PRKN: variants seen among roughly 807,000 people sequenced by gnomAD.
The protein encoded by PRKN is parkin RBR E3 ubiquitin protein ligase.
A neutral mutation model predicts 59.5 loss-of-function variants in PRKN; 56 were observed. The ratio of observed to expected loss-of-function variants is 0.94; its 90% CI spans 0.76 to 1.18. The LOEUF (loss-of-function observed/expected upper bound fraction) is 1.18. Ranked by LOEUF, PRKN falls within the 50% of genes most tolerant of loss-of-function variation. PRKN has a pLI of 0.00. For synonymous variants in PRKN, 250 were observed against 222.1 expected (o/e 1.13, Z -1.12); for missense variants, 657 against 596.4 (o/e 1.10, Z -1.06).
chr6:162,724,529 A>C (rs906388028), intron 1 of PRKN, among the ~76,000 whole-genome samples: 1 of 152,242 alleles, frequency 6.6e-6, no homozygotes, highest in African/African-American at 2.4e-5. Flanking sequence ...CTAAGCCAGG[A>C]TTTAAATAAA....
At chr6:162,629,398 T>C (rs1303566818) in intron 1 of PRKN, among the ~76,000 whole-genome samples, 1 of 152,124 alleles carries the variant, frequency 6.6e-6, no homozygotes, top group Admixed American at 6.6e-5. Flanking sequence ...TATTATTAAC[T>C]GTAGCATGTT....
rs1298403448 is a variant in PRKN, at chr6:162,421,932, A to G, written c.171+21378T>C. 3.9e-5 allele frequency among the ~76,000 whole-genome samples: 6 copies of G among 152,352 alleles called. No homozygotes were observed. In the East Asian group the frequency reaches 1.2e-3, roughly 29 times the overall value. On this transcript the variant is annotated intron_variant, in intron 2 of 11. Coordinates refer to ENST00000366898, the MANE Select transcript of PRKN (RefSeq NM_004562.3). ...TAAAAATAATTTATCTAAATAAGTT[A>G]AATAGGAAGTAATATCTAATTTCAG...
intron 7 of PRKN, among the ~76,000 whole-genome samples, chr6:161,687,784 C>CA (rs1258078364): frequency 6.6e-6 from 1 of 152,080 alleles, no homozygotes; most frequent in East Asian, 1.9e-4. Context: ...ATATATTAAA[C>CA]ATGTTTTCCT....
intron 6 of PRKN, among the ~76,000 whole-genome samples, chr6:161,793,116 G>T (rs1272755213): frequency 6.6e-6 from 1 of 152,158 alleles, no homozygotes; most frequent in African/African-American, 2.4e-5. Context: ...CCCCTCACTG[G>T]AGAGGAGCCT....
At position 161,440,891 on chromosome 6, in the gene PRKN, G is replaced by A. The variant is rs184096016; in HGVS notation, c.1084-54014C>T. ...CAAATAAGAGTCTAATGTGATAAGA[G>A]GCTGAACTGAAGGTGTCCCTAGAAA... On this transcript the variant is annotated intron_variant, in intron 9 of 11. Coordinates refer to ENST00000366898, the MANE Select transcript of PRKN (RefSeq NM_004562.3). This position sits in a 1 kb window ranked among gnomAD's most constrained non-coding sequence, Gnocchi z 4.1. Among the ~76,000 whole-genome samples the A allele has an allele frequency of 9.5e-4, 145 of 152,276 alleles. No homozygotes were observed. Among genetic ancestry groups the A allele is most frequent in the Admixed American group, 4.9e-3 (75 of 15,294 alleles).
At chr6:161,436,114 G>A in intron 9 of PRKN, among the ~76,000 whole-genome samples, 1 of 112,260 alleles carries the variant, frequency 8.9e-6, no homozygotes, top group Admixed American at 9.1e-5. Flanking sequence ...AGGGGAGGAG[G>A]ATGGGAGAGA....
intron 7 of PRKN, among the ~76,000 whole-genome samples, chr6:161,757,192 C>T (rs2128196874): frequency 6.6e-6 from 1 of 152,182 alleles, no homozygotes; most frequent in South Asian, 2.1e-4. Flanking sequence ...CTTAGGTATG[C>T]TACATAAAGC....
intron 7 of PRKN, among the ~76,000 whole-genome samples, chr6:161,658,012 T>A (rs1425433415): frequency 1.6e-4 from 4 of 25,290 alleles, no homozygotes; most frequent in Non-Finnish European, 2.9e-4. Context: ...TGAGACTCTG[T>A]CTCAAAAAAA....
chr6:161,716,891 A>G (rs1787005625), intron 7 of PRKN, among the ~76,000 whole-genome samples: 1 of 152,188 alleles, frequency 6.6e-6, no homozygotes, highest in African/African-American at 2.4e-5. Context: ...AACCACTTGG[A>G]GTTCTTGAGC....
intron 9 of PRKN, among the ~76,000 whole-genome samples, chr6:161,522,887 A>G (rs929667383): frequency 6.6e-6 from 1 of 152,212 alleles, no homozygotes; most frequent in Non-Finnish European, 1.5e-5. Flanking sequence ...AATAGGTAAC[A>G]TTAGATGACA....
intron 2 of PRKN, among the ~76,000 whole-genome samples, chr6:162,351,087 G>A (rs1286079377): frequency 2.0e-5 from 3 of 152,118 alleles, no homozygotes; most frequent in Non-Finnish European, 2.9e-5. Context: ...CTCTTCAGGA[G>A]GCTGAGATGG....
chr6:161,403,495 A>G (rs1787135892), intron 9 of PRKN, among the ~76,000 whole-genome samples: 1 of 152,132 alleles, frequency 6.6e-6, no homozygotes, highest in African/African-American at 2.4e-5. Flanking sequence ...TTATTGTTCC[A>G]AATCAAATCA....
chr6:161,874,661 A>ATAT (rs1268617187), intron 6 of PRKN, among the ~76,000 whole-genome samples: 13 of 123,158 alleles, frequency 1.1e-4, no homozygotes, highest in Non-Finnish European at 1.6e-4. Context: ...AATGTATAAT[A>ATAT]AAATATATAA....
chr6:162,531,906 C>CTCCA (rs1429062005), intron 1 of PRKN, among the ~76,000 whole-genome samples: 5 of 148,564 alleles, frequency 3.4e-5, no homozygotes, highest in African/African-American at 2.5e-5. Flanking sequence ...TGCCACTGCA[C>CTCCA]TCCAGTCTGG....
intron 1 of PRKN, chr6:162,727,315 A>AGGGGCGGCGGCGGGGCGAC: frequency 2.9e-6 from 1 of 347,812 alleles, no homozygotes. Context: ...GGCGGGGCGA[A>AGGGGCGGCGGCGGGGCGAC]GGTGAGGGGC....
intron 7 of PRKN, among the ~76,000 whole-genome samples, chr6:161,767,516 CA>C (rs11312010): frequency 0.45 from 65,052 of 145,314 alleles, 14,536 homozygotes; most frequent in South Asian, 0.54. Context: ...AACTCCTTCT[CA>C]AAAAAAAAAA....
chr6:162,237,297 G>T (rs9365390), intron 3 of PRKN, among the ~76,000 whole-genome samples: 5,947 of 152,096 alleles, frequency 0.039, 121 homozygotes, highest in East Asian at 0.075. Flanking sequence ...AAACAATAGG[G>T]CAAGACCTAG....
At chr6:162,281,480 A>G (rs1228681723) in intron 2 of PRKN, among the ~76,000 whole-genome samples, 1 of 152,158 alleles carries the variant, frequency 6.6e-6, no homozygotes, top group Non-Finnish European at 1.5e-5. Context: ...GAAAAATTGT[A>G]TGTATTTCAT....
chr6:162,331,166 T>TAAA (rs34916695), intron 2 of PRKN, among the ~76,000 whole-genome samples: 17 of 141,478 alleles, frequency 1.2e-4, no homozygotes, highest in African/African-American at 4.4e-4. Context: ...CCATCTCTAT[T>TAAA]AAAAAAAAAA....
Sources: allele counts gnomAD v4.1 joint callset (sites outside exome capture counted in the v4.1 genomes callset), GRCh38; gene constraint gnomAD v4.1.1; non-coding constraint Gnocchi (gnomAD v3.1); transcripts MANE v1.5; gene names NCBI Gene and HGNC (gene_info 2026-07-23, HGNC 2026-07-21).